The following CPLANE1 variants were observed in gnomAD, a reference collection of about 807,000 sequenced individuals.
The protein encoded by CPLANE1 is ciliogenesis and planar polarity effector complex subunit 1.
Under a neutral mutation model 362.5 loss-of-function variants are expected in CPLANE1, and 263 were observed. The observed-to-expected ratio is 0.73, with a 90% CI of 0.66 to 0.80. The LOEUF is 0.80. CPLANE1 is among the 30% of genes least tolerant of loss of function. The probability of loss-of-function intolerance (pLI) is 0.00; values close to 1 mark genes in which losing one functional copy is unlikely to be tolerated. For missense variants in CPLANE1, 3,461 were observed against 3,793.4 expected (o/e 0.91, Z 2.30); for synonymous variants, 1,212 against 1,302.6 (o/e 0.93, Z 1.50).
chr5:37,144,858 A>T (rs1242301843), intron 43 of CPLANE1, among the ~76,000 whole-genome samples: 1 of 151,924 alleles, frequency 6.6e-6, no homozygotes, highest in Non-Finnish European at 1.5e-5. Flanking sequence ...CTCAAAAAAA[A>T]AAAAAAAAAA....
In CPLANE1 at chr5:37,148,269, C is replaced by T; in HGVS notation, c.8374-1G>A. ...ATTCAATGTGATCCACTGGTCCAAT[C>T]TGTAGAAAAAACACACACAACAAAA... On this transcript the variant is annotated splice_acceptor_variant, in intron 42 of 52. Transcript: ENST00000651892. LOFTEE classifies it high-confidence loss of function. 1 of 1,599,072 alleles carries T rather than the reference C, an allele frequency of 6.3e-7. No individual in the cohort carries two copies. The highest frequency in any genetic ancestry group is 8.5e-7 in the Non-Finnish European group (1 of 1,170,128).
Position 37,153,872 on chromosome 5 carries a change from T to C in CPLANE1, c.8241A>G (p.Ala2747=), listed in dbSNP as rs1219777388. Reference sequence around the variant, plus strand: ...CACTGAGATGCTCTAGTTGGTGAGCTGCAGAGCTTGGTGCAGGGCAAGCTG... The same window carrying C: ...CACTGAGATGCTCTAGTTGGTGAGCCGCAGAGCTTGGTGCAGGGCAAGCTG... ...VSAACPAPSS[A]AHQLEHLSAK... The change falls in exon 42 of 53, where the codon GCA becomes GCG. Residue 2747 remains alanine, a synonymous_variant. Transcript: ENST00000651892. 3 of 1,614,156 alleles carry C rather than the reference T, an allele frequency of 1.9e-6. No individual in the cohort carries two copies. The highest frequency in any genetic ancestry group is 1.3e-5 in the African/African-American group (1 of 75,036).
intron 21 of CPLANE1, among the ~76,000 whole-genome samples, chr5:37,193,940 G>C (rs1207929685): frequency 1.1e-5 from 1 of 87,970 alleles, no homozygotes; most frequent in African/African-American, 4.5e-5. Context: ...TTTTTTTTTT[G>C]AGACAGAGTC....
chr5:37,175,894 G>T lies in CPLANE1; in HGVS notation c.5978+15C>A. ...ACAACTATTTTTAAATGGTATAGTA[G>T]GCAAAACTTCTTACCTAGAAATTTC... On this transcript the variant is annotated intron_variant, in intron 31 of 52. Coordinates refer to ENST00000651892, the MANE Select transcript of CPLANE1 (RefSeq NM_001384732.1). 1 of 1,584,556 alleles carries T rather than the reference G, an allele frequency of 6.3e-7. No individual in the cohort carries two copies. The highest frequency in any genetic ancestry group is 1.1e-5 in the South Asian group (1 of 90,000).
At chr5:37,247,592 T>C in intron 2 of CPLANE1, 26 bp downstream of exon 2, 1 of 1,541,280 alleles carries the variant, frequency 6.5e-7, no homozygotes, top group South Asian at 1.2e-5. Context: ...ATAAAACTGG[T>C]ATTGCATGAA....
chr5:37,128,796 T>C (rs1448955615), intron 46 of CPLANE1, among the ~76,000 whole-genome samples: 1 of 150,874 alleles, frequency 6.6e-6, no homozygotes, highest in Admixed American at 6.6e-5. Context: ...GAGGCAGAGG[T>C]TGCAGTGAGC....
At chr5:37,247,520 T>G (rs1740128057) in intron 2 of CPLANE1, 98 bp downstream of exon 2, 5 of 1,040,058 alleles carry the variant, frequency 4.8e-6, no homozygotes, top group Non-Finnish European at 6.9e-6. Flanking sequence ...GTAGATGATG[T>G]TTTATTTATT....
chr5:37,152,871 A>G (rs902181461), intron 42 of CPLANE1, among the ~76,000 whole-genome samples: 6 of 152,218 alleles, frequency 3.9e-5, no homozygotes, highest in African/African-American at 1.4e-4. Flanking sequence ...CCTGGATAAC[A>G]GAGCAAGACT....
At chr5:37,139,697 T>A in intron 44 of CPLANE1, 1 of 363,862 alleles carries the variant, frequency 2.7e-6, no homozygotes, top group Non-Finnish European at 3.9e-6. Flanking sequence ...ATTACAGGTG[T>A]GTGCCGCAAT....
At chr5:37,101,558 A>C (rs1350723859), downstream of CPLANE1, among the ~76,000 whole-genome samples, 3 of 152,102 alleles carry the variant, frequency 2.0e-5, no homozygotes, top group Non-Finnish European at 4.4e-5. Flanking sequence ...TATTGGCCTG[A>C]AGTTTTCTTT....
rs566964441 is a variant in CPLANE1, at chr5:37,162,347, A to G, written c.7690+118T>C. On this transcript the variant is annotated intron_variant, in intron 38 of 52. Transcript: ENST00000651892. ...AGACTGGAAAGAAAAATCTAGGCAGAGTAAATAATATCACATAATTAAAAA... is the reference window on the plus strand; with the variant it reads ...AGACTGGAAAGAAAAATCTAGGCAGGGTAAATAATATCACATAATTAAAAA... The G allele has an allele frequency of 1.3e-4, 86 of 638,318 alleles. 1 individual carries two copies. The highest frequency in any genetic ancestry group is 1.1e-4 in the Non-Finnish European group (42 of 373,184). The allele number at this position is 638,318 out of a possible 1,614,324, so 39.5% of individuals were successfully genotyped here.
At chr5:37,215,431 A>C (rs1186696042) in intron 15 of CPLANE1, among the ~76,000 whole-genome samples, 1 of 152,148 alleles carries the variant, frequency 6.6e-6, no homozygotes, top group Non-Finnish European at 1.5e-5. Context: ...ACAACATATA[A>C]AATATATGTT....
At chr5:37,215,269 G>C (rs576360301) in intron 15 of CPLANE1, among the ~76,000 whole-genome samples, 23 of 152,024 alleles carry the variant, frequency 1.5e-4, no homozygotes, top group African/African-American at 4.8e-4. Flanking sequence ...GACTGGTCTC[G>C]AACTCTTGAC....
At chr5:37,108,030 T>C (rs1378752410) in intron 52 of CPLANE1, among the ~76,000 whole-genome samples, 5 of 152,192 alleles carry the variant, frequency 3.3e-5, no homozygotes, top group Non-Finnish European at 7.3e-5. Context: ...CGGATGTTGA[T>C]ACTTGTAGTA....
chr5:37,128,175 T>C (rs1764762462), intron 46 of CPLANE1, among the ~76,000 whole-genome samples: 1 of 152,214 alleles, frequency 6.6e-6, no homozygotes, highest in Non-Finnish European at 1.5e-5. Flanking sequence ...ACTGGCTAAT[T>C]TTTGTATTTT....
chr5:37,205,126 C>T, intron 18 of CPLANE1, 189 bp downstream of exon 18: 1 of 347,580 alleles, frequency 2.9e-6, no homozygotes, highest in Non-Finnish European at 4.8e-6. Context: ...CACTGCACTC[C>T]AGCCTGGGTG....
the CPLANE1 span, among the ~76,000 whole-genome samples, chr5:37,076,524 C>G: frequency 6.6e-6 from 1 of 151,904 alleles, no homozygotes; most frequent in East Asian, 1.9e-4. Flanking sequence ...GTTGGCCAGG[C>G]TGGTCTCAAA....
chr5:37,187,060 C>CAAAAAAA (rs61112118), intron 23 of CPLANE1, among the ~76,000 whole-genome samples: 541 of 50,402 alleles, frequency 0.011, 99 homozygotes, highest in African/African-American at 0.047. Flanking sequence ...GACTCCGTCT[C>CAAAAAAA]AAAAAAAAAA....
intron 33 of CPLANE1, 121 bp from the exon 34 acceptor site, chr5:37,169,682 T>C (rs1779214342): frequency 3.9e-6 from 3 of 772,580 alleles, no homozygotes; most frequent in East Asian, 5.4e-5. Flanking sequence ...AAAAAAATTA[T>C]TTATTCAATA....
Sources: gnomAD v4.1 joint callset for allele counts (sites outside exome capture counted in the v4.1 genomes callset) on GRCh38, gnomAD v4.1.1 for gene constraint, MANE v1.5 for transcripts, NCBI Gene and HGNC (gene_info 2026-07-23, HGNC 2026-07-21) for gene names.